CNNM2: variants seen among roughly 807,000 people sequenced by gnomAD.
CNNM2 encodes the protein cyclin and CBS domain divalent metal cation transport mediator 2.
Under a neutral mutation model 66.9 loss-of-function variants are expected in CNNM2, and 12 were observed. That is an observed-to-expected ratio of 0.18 (90% CI 0.11 to 0.29). The LOEUF is 0.29. Ranked by LOEUF, CNNM2 falls within the 10% of genes least tolerant of loss-of-function variation. CNNM2 has a pLI of 1.00. For synonymous variants in CNNM2, 557 were observed against 501.8 expected (o/e 1.11, Z -1.47); for missense variants, 705 against 1,167.7 (o/e 0.60, Z 5.77).
chr10:102,981,722 G>C (rs551924714), intron 1 of CNNM2, among the ~76,000 whole-genome samples: 1 of 152,000 alleles, frequency 6.6e-6, no homozygotes, highest in East Asian at 1.9e-4. Flanking sequence ...TTGATCTTGT[G>C]TATCAGTTAT....
chr10:103,025,287 C>T (rs554822438), intron 1 of CNNM2, among the ~76,000 whole-genome samples: 1 of 152,180 alleles, frequency 6.6e-6, no homozygotes, highest in African/African-American at 2.4e-5. Context: ...GGTGGGGTTT[C>T]ACCGTGTTGG....
At chr10:103,019,956 A>G (rs532704354) in intron 1 of CNNM2, among the ~76,000 whole-genome samples, 5 of 152,254 alleles carry the variant, frequency 3.3e-5, no homozygotes, top group Non-Finnish European at 5.9e-5. Flanking sequence ...ATGATTTTCA[A>G]TTTTTCCATT....
rs962447906 is a variant in CNNM2, at chr10:103,077,248, T to G, written c.*68T>G. ...CCGAGGGCCCGGCCCTGTCTGCCCA[T>G]GACTTCACTGGTGTGAGCTTGTCCG... On this transcript the variant is annotated 3_prime_UTR_variant, in exon 8 of 8. Transcript: ENST00000369878. 4.3e-6 allele frequency: 6 copies of G among 1,397,434 alleles called. No individual in the cohort carries two copies. In the African/African-American group the frequency reaches 7.0e-5, roughly 16 times the overall value. The allele number at this position is 1,397,434 out of a possible 1,614,324, so 86.6% of individuals were successfully genotyped here.
intron 1 of CNNM2, among the ~76,000 whole-genome samples, chr10:102,966,560 G>C (rs2063467784): frequency 6.6e-6 from 1 of 152,206 alleles, no homozygotes; most frequent in African/African-American, 2.4e-5. Flanking sequence ...CTGGGAGACG[G>C]AGGCTGCAGT....
At chr10:103,057,066 T>C (rs1399811454) in intron 4 of CNNM2, 102 bp downstream of exon 4, 7 of 1,156,146 alleles carry the variant, frequency 6.1e-6, no homozygotes, top group Non-Finnish European at 8.6e-6. Flanking sequence ...AACCTTTCTA[T>C]AGGGGGTAGC....
rs368187595 is a variant in CNNM2, at chr10:103,056,949, C to T, written c.2058C>T (p.Phe686=). Reference sequence around the variant, plus strand: ...AGCGCAACAAGCCAGTAGACTACTTCGTTCTCATTCTGCAGGTCAGAAGAA... The same window carrying T: ...AGCGCAACAAGCCAGTAGACTACTTTGTTCTCATTCTGCAGGTCAGAAGAA... ...LYQRNKPVDY[F]VLILQGKVEV... Residue 686 remains phenylalanine (F), a synonymous_variant, in exon 4 of 8, where the codon TTC becomes TTT. Transcript: ENST00000369878. 3.7e-4 allele frequency: 588 copies of T among 1,610,742 alleles called. No individual in the cohort carries two copies. The highest frequency in any genetic ancestry group is 4.5e-4 in the Non-Finnish European group (532 of 1,178,878).
At position 102,955,024 on chromosome 10, in the gene CNNM2, C is replaced by G. The variant is rs376990702; in HGVS notation, c.1621+34923C>G. On this transcript the variant is annotated intron_variant, in intron 1 of 7. Coordinates refer to ENST00000369878, the MANE Select transcript of CNNM2 (RefSeq NM_017649.5). The stretch of plus-strand genomic sequence containing the variant: ...GACTTTCTTCACAGAATTGAAAAAA[C>G]TACTTTAAAGTTCATATGGAACCAA... Among the ~76,000 whole-genome samples the G allele has an allele frequency of 2.0e-5, 3 of 152,194 alleles. No individual in the cohort carries two copies. The East Asian group carries it at 5.8e-4, about 29-fold the overall frequency.
intron 1 of CNNM2, among the ~76,000 whole-genome samples, chr10:102,968,192 A>G (rs2063494515): frequency 6.6e-6 from 1 of 152,196 alleles, no homozygotes; most frequent in Non-Finnish European, 1.5e-5. Context: ...TACAACCAGC[A>G]ATGTCTGAGG....
At chr10:102,999,585 A>G (rs2064076046) in intron 1 of CNNM2, among the ~76,000 whole-genome samples, 1 of 152,160 alleles carries the variant, frequency 6.6e-6, no homozygotes, top group Non-Finnish European at 1.5e-5. Context: ...GACTATTTTT[A>G]AAATGGCAAT....
In CNNM2 at chr10:102,975,307, C is replaced by T. The variant is rs966547260; in HGVS notation, c.1621+55206C>T. ...TGGCACTCATAATATACTATCATGACATAACATGTTATCAAATTTATTATT... is the reference window on the plus strand; with the variant it reads ...TGGCACTCATAATATACTATCATGATATAACATGTTATCAAATTTATTATT... On this transcript the variant is annotated intron_variant, in intron 1 of 7. Transcript: ENST00000369878. Among the ~76,000 whole-genome samples the T allele has an allele frequency of 3.3e-5, 5 of 152,072 alleles. No individual in the cohort carries two copies. The East Asian group carries it at 9.6e-4, about 29-fold the overall frequency.
At chr10:102,975,843 T>G (rs2063620415) in intron 1 of CNNM2, among the ~76,000 whole-genome samples, 1 of 152,148 alleles carries the variant, frequency 6.6e-6, no homozygotes, top group African/African-American at 2.4e-5. Context: ...TTAGGTGTAT[T>G]ATAATTGGCC....
intron 1 of CNNM2, among the ~76,000 whole-genome samples, chr10:102,974,943 A>G (rs2063602601): frequency 6.6e-6 from 1 of 152,244 alleles, no homozygotes; most frequent in Non-Finnish European, 1.5e-5. Context: ...AATTGAAGAA[A>G]GATCTGCTTT....
rs372091245 is a variant in CNNM2 at position 103,077,057 on chromosome 10, C to T, written c.2505C>T (p.Ile835=). The change falls in exon 8 of 8, where the codon ATC becomes ATT. Residue 835 remains isoleucine (I), a synonymous_variant. Transcript: ENST00000369878. ...PQSSDSENTK[I]ELTLTELHDG... ...CTTCAGACAGTGAAAACACTAAAAT[C>T]GAATTGACTCTTACGGAGCTGCATG... 6.9e-5 allele frequency: 111 copies of T among 1,613,850 alleles called. No homozygotes were observed. The highest frequency in any genetic ancestry group is 8.9e-5 in the Non-Finnish European group (105 of 1,179,900).
At chr10:102,952,292 C>T (rs1043459393) in intron 1 of CNNM2, among the ~76,000 whole-genome samples, 2 of 151,980 alleles carry the variant, frequency 1.3e-5, no homozygotes, top group African/African-American at 4.8e-5. Flanking sequence ...GGGCCGGGCG[C>T]AGTGGCTCAC....
chr10:103,061,580 TAGTC>T (rs1306461567), intron 4 of CNNM2, among the ~76,000 whole-genome samples: 1 of 152,054 alleles, frequency 6.6e-6, no homozygotes, highest in Non-Finnish European at 1.5e-5. Context: ...CTAGAAAAAA[TAGTC>T]AATCTTCAAA....
At position 103,077,920 on chromosome 10, in the gene CNNM2, CA is replaced by C. The variant is rs2065717025; in HGVS notation, c.*744del. The C allele has an allele frequency of 6.6e-6, 1 of 152,602 alleles. No individual in the cohort carries two copies. Among genetic ancestry groups the C allele is most frequent in the Non-Finnish European group, 1.5e-5 (1 of 68,034 alleles). 9.5% of individuals were successfully genotyped at this position (152,602 alleles called of 1,614,324 possible). A position where few individuals can be genotyped will look rare whatever the true frequency, so the allele number is the denominator to read the frequency against. On this transcript the variant is annotated 3_prime_UTR_variant, in exon 8 of 8. Transcript: ENST00000369878. ...TCCCACCCTAAGGAATTTTTATCAC[CA>C]AAATGAATGTTAATGAATTTAAAAC...
chr10:103,026,648 A>ATTC (rs1457118269), intron 1 of CNNM2, among the ~76,000 whole-genome samples: 7 of 151,628 alleles, frequency 4.6e-5, no homozygotes, highest in Non-Finnish European at 1.0e-4. Flanking sequence ...GAAATAACCA[A>ATTC]TTCTTAGTAA....
intron 1 of CNNM2, among the ~76,000 whole-genome samples, chr10:102,992,151 A>G (rs191606980): frequency 2.4e-4 from 37 of 152,292 alleles, no homozygotes; most frequent in African/African-American, 7.9e-4. Flanking sequence ...TTCTGAGTAC[A>G]GGAATCACAT....
intron 1 of CNNM2, among the ~76,000 whole-genome samples, chr10:103,012,855 C>G (rs1349462129): frequency 6.6e-6 from 1 of 152,116 alleles, no homozygotes; most frequent in Non-Finnish European, 1.5e-5. Flanking sequence ...ACTGAACATT[C>G]TCCAGTGCTA....
Sources: gnomAD v4.1 joint callset for allele counts (sites outside exome capture counted in the v4.1 genomes callset) on GRCh38, gnomAD v4.1.1 for gene constraint, MANE v1.5 for transcripts, NCBI Gene and HGNC (gene_info 2026-07-23, HGNC 2026-07-21) for gene names.